SNX29: variants seen among roughly 807,000 people sequenced by gnomAD.
The protein encoded by SNX29 is sorting nexin-29.
A neutral mutation model predicts 102.1 loss-of-function variants in SNX29; 78 were observed. The observed-to-expected ratio is 0.76, with a 90% CI of 0.64 to 0.92. The LOEUF is 0.92. Ranked by LOEUF, SNX29 falls within the 40% of genes least tolerant of loss-of-function variation. The pLI is 0.00. For missense variants in SNX29, 1,280 were observed against 1,061.7 expected, an observed-to-expected ratio of 1.21 and a Z score of -2.86; for synonymous variants, 580 against 414.5, an observed-to-expected ratio of 1.40 and a Z score of -4.85.
At chr16:12,427,575 C>T (rs895806769) in intron 18 of SNX29, among the ~76,000 whole-genome samples, 1 of 151,866 alleles carries the variant, frequency 6.6e-6, no homozygotes, top group African/African-American at 2.4e-5. Flanking sequence ...CTTTGTAATT[C>T]TCTATTCGGT....
intron 8 of SNX29, among the ~76,000 whole-genome samples, chr16:12,056,375 G>A (rs998027490): frequency 6.6e-6 from 1 of 152,278 alleles, no homozygotes; most frequent in African/African-American, 2.4e-5. Flanking sequence ...GCAGACTCTG[G>A]ACAGCTCTCC....
rs1183417631 is a variant in SNX29, at chr16:12,355,884, GA to G, written c.1783-270del. The stretch of plus-strand genomic sequence containing the variant: ...AAAAAAAAAAAAAAAAAAGAGAGAG[GA>G]AAAAAAAAGCCCAAGGTCCAAACAT... On this transcript the variant is annotated intron_variant, in intron 15 of 20. Transcript: ENST00000566228. Among the ~76,000 whole-genome samples, 138 of 127,324 alleles carry G rather than the reference GA, an allele frequency of 1.1e-3. 1 individual carries two copies. The highest frequency in any genetic ancestry group is 3.9e-3 in the African/African-American group (133 of 34,194). The allele number at this position is 127,324 out of a possible 152,430, so 83.5% of individuals were successfully genotyped here.
intron 13 of SNX29, among the ~76,000 whole-genome samples, chr16:12,144,009 A>G (rs546579960): frequency 6.6e-6 from 1 of 152,250 alleles, no homozygotes; most frequent in Admixed American, 6.5e-5. Context: ...GTACCCACGA[A>G]ACACCCGGGG....
At chr16:12,494,150 C>T (rs2088690730) in intron 19 of SNX29, among the ~76,000 whole-genome samples, 1 of 152,132 alleles carries the variant, frequency 6.6e-6, no homozygotes, top group Non-Finnish European at 1.5e-5. Context: ...GAGTTCAAGA[C>T]CAGCCTGGGC....
intron 18 of SNX29, among the ~76,000 whole-genome samples, chr16:12,470,199 A>T (rs2087267977): frequency 6.6e-6 from 1 of 152,194 alleles, no homozygotes; most frequent in South Asian, 2.1e-4. Context: ...TAGTTTTGAG[A>T]TGCAGGACTT....
At chr16:12,163,610 A>G (rs1013135433) in intron 13 of SNX29, among the ~76,000 whole-genome samples, 2 of 152,152 alleles carry the variant, frequency 1.3e-5, no homozygotes, top group Non-Finnish European at 2.9e-5. Context: ...TGGTGGCAAC[A>G]GGAGACTAGA....
chr16:12,073,732 T>A (rs1030831532), intron 10 of SNX29, among the ~76,000 whole-genome samples: 1 of 152,212 alleles, frequency 6.6e-6, no homozygotes, highest in Non-Finnish European at 1.5e-5. Context: ...TTGTTGACTT[T>A]CTGTCTCGTT....
chr16:12,284,681 T>C (rs896069286), intron 15 of SNX29, among the ~76,000 whole-genome samples: 5 of 152,202 alleles, frequency 3.3e-5, no homozygotes, highest in African/African-American at 4.8e-5. Context: ...TCTAATTGTT[T>C]TCTGTGTTGA....
At chr16:11,997,262 T>G (rs539731792) in intron 1 of SNX29, among the ~76,000 whole-genome samples, 31 of 152,312 alleles carry the variant, frequency 2.0e-4, no homozygotes, top group Middle Eastern at 6.8e-3. Context: ...CTCCCCTTGC[T>G]GTTTGCTCTG....
chr16:12,014,318 T>C (rs182012462), intron 3 of SNX29, among the ~76,000 whole-genome samples: 6 of 152,306 alleles, frequency 3.9e-5, no homozygotes, highest in Admixed American at 2.0e-4. Context: ...TGCCAGCACC[T>C]GTTCCTGATT....
At chr16:12,068,196 G>A (rs144069843) in intron 9 of SNX29, among the ~76,000 whole-genome samples, 40 of 152,182 alleles carry the variant, frequency 2.6e-4, no homozygotes, top group Non-Finnish European at 4.9e-4. Context: ...AATGTCACAG[G>A]CCAGGCACAG....
At chr16:12,040,203 C>G (rs2049821051) in intron 4 of SNX29, among the ~76,000 whole-genome samples, 1 of 151,970 alleles carries the variant, frequency 6.6e-6, no homozygotes, top group Non-Finnish European at 1.5e-5. Context: ...AGAACCTCAT[C>G]TCTACAAATA....
rs559144168 is a variant in SNX29, at chr16:12,506,283, A to G, written c.2179-18419A>G. Among the ~76,000 whole-genome samples the G allele has an allele frequency of 7.2e-5, 11 of 152,206 alleles. No individual in the cohort carries two copies. In the South Asian group the frequency reaches 2.3e-3, roughly 32 times the overall value. On this transcript the variant is annotated intron_variant, in intron 19 of 20. Coordinates refer to ENST00000566228, the MANE Select transcript of SNX29 (RefSeq NM_032167.5). ...GGCTAGTGTGTCCATTCTCAAACCA[A>G]TCACTGTATCCAGGGGGACAACACC...
chr16:12,139,980 C>T (rs1703517), intron 13 of SNX29, among the ~76,000 whole-genome samples: 6 of 88,572 alleles, frequency 6.8e-5, no homozygotes, highest in East Asian at 3.3e-4. Flanking sequence ...TACCCTGTCT[C>T]AAAAAAAAAA....
chr16:12,517,541 C>G (rs974311448), intron 19 of SNX29, among the ~76,000 whole-genome samples: 6 of 152,198 alleles, frequency 3.9e-5, no homozygotes, highest in Non-Finnish European at 4.4e-5. Context: ...GCCATTCTTC[C>G]TATGGTCTGC....
intron 3 of SNX29, among the ~76,000 whole-genome samples, chr16:12,019,585 T>C (rs938341285): frequency 7.1e-6 from 1 of 140,290 alleles, no homozygotes; most frequent in Non-Finnish European, 1.6e-5. Context: ...TATGTAAATA[T>C]ATATATATAG....
chr16:12,192,794 C>T (rs983979771), intron 13 of SNX29, among the ~76,000 whole-genome samples: 6 of 152,134 alleles, frequency 3.9e-5, no homozygotes, highest in Non-Finnish European at 5.9e-5. Flanking sequence ...CCTCTGCCTC[C>T]CGGGTTCAAG....
intron 19 of SNX29, among the ~76,000 whole-genome samples, chr16:12,499,603 C>G (rs546032934): frequency 6.6e-6 from 1 of 152,322 alleles, no homozygotes; most frequent in East Asian, 1.9e-4. Flanking sequence ...AGCATATTCA[C>G]AGGATCAGAC....
intron 20 of SNX29, among the ~76,000 whole-genome samples, chr16:12,537,909 C>G (rs1419284404): frequency 5.3e-5 from 8 of 150,868 alleles, no homozygotes; most frequent in Non-Finnish European, 1.0e-4. Context: ...CACTGGAACC[C>G]AGGAGGCAGA....
Sources: allele counts gnomAD v4.1 joint callset (sites outside exome capture counted in the v4.1 genomes callset), GRCh38; gene constraint gnomAD v4.1.1; transcripts MANE v1.5; gene names NCBI Gene and HGNC (gene_info 2026-07-23, HGNC 2026-07-21).